The following HPGDS variants were observed in gnomAD, a reference collection of about 807,000 sequenced individuals.
HPGDS encodes hematopoietic prostaglandin D synthase, also known as GST class-sigma.
Under a neutral mutation model 23.1 loss-of-function variants are expected in HPGDS, and 26 were observed. That is an observed-to-expected ratio of 1.13 (90% CI 0.83 to 1.56). The LOEUF is 1.56. HPGDS is among the 40% of genes most tolerant of loss of function. The pLI, the probability that HPGDS is intolerant of heterozygous loss-of-function variation, is 0.00. For missense variants in HPGDS, 268 were observed against 236.4 expected (o/e 1.13, Z -0.88); for synonymous variants, 95 against 77.9 (o/e 1.22, Z -1.16).
intron 2 of HPGDS, among the ~76,000 whole-genome samples, chr4:94,322,880 G>T (rs976166303): frequency 2.6e-5 from 4 of 152,122 alleles, no homozygotes; most frequent in African/African-American, 7.2e-5. Flanking sequence ...GATCTTTTCT[G>T]CTTTCTCTTG....
chr4:94,309,612 C>A (rs1018582975), intron 3 of HPGDS, among the ~76,000 whole-genome samples: 1 of 151,992 alleles, frequency 6.6e-6, no homozygotes, highest in Non-Finnish European at 1.5e-5. Context: ...GTCTTTATAG[C>A]AGCATGATTT....
At chr4:94,302,888 A>G (rs932121401) in intron 4 of HPGDS, among the ~76,000 whole-genome samples, 3 of 151,996 alleles carry the variant, frequency 2.0e-5, no homozygotes, top group African/African-American at 7.2e-5. Flanking sequence ...TAAAACATCC[A>G]TTTTTTTAAT....
At chr4:94,310,814 A>T (rs1414941442) in intron 3 of HPGDS, among the ~76,000 whole-genome samples, 5 of 152,048 alleles carry the variant, frequency 3.3e-5, no homozygotes, top group African/African-American at 4.8e-5. Flanking sequence ...TATTTTGTTG[A>T]GCAGTGTTTT....
chr4:94,325,114 G>C (rs1756603105), intron 2 of HPGDS, among the ~76,000 whole-genome samples: 2 of 152,202 alleles, frequency 1.3e-5, no homozygotes. Context: ...AAATATTGCA[G>C]AACAGCAAAT....
At chr4:94,337,822 T>C (rs1008336017) in intron 1 of HPGDS, among the ~76,000 whole-genome samples, 23 of 152,330 alleles carry the variant, frequency 1.5e-4, no homozygotes, top group African/African-American at 5.3e-4. Context: ...ATTTTCAAAA[T>C]CATGCTATTT....
intron 3 of HPGDS, among the ~76,000 whole-genome samples, chr4:94,315,247 A>G (rs1291671034): frequency 1.3e-5 from 2 of 152,188 alleles, no homozygotes; most frequent in African/African-American, 4.8e-5. Flanking sequence ...TTCGAGCTGT[A>G]GACTGGAGCT....
At chr4:94,337,046 C>T (rs937438970) in intron 1 of HPGDS, among the ~76,000 whole-genome samples, 5 of 152,150 alleles carry the variant, frequency 3.3e-5, no homozygotes, top group Non-Finnish European at 5.9e-5. Context: ...CTCACTGCAA[C>T]CTCCGCCTCC....
intron 2 of HPGDS, among the ~76,000 whole-genome samples, chr4:94,333,320 G>A (rs1579448050): frequency 6.6e-6 from 1 of 152,176 alleles, no homozygotes; most frequent in African/African-American, 2.4e-5. Flanking sequence ...GTAGTAATAT[G>A]TGACCGTTGG....
At chr4:94,314,736 G>A (rs1560588023) in intron 3 of HPGDS, among the ~76,000 whole-genome samples, 1 of 152,204 alleles carries the variant, frequency 6.6e-6, no homozygotes, top group Admixed American at 6.5e-5. Flanking sequence ...TGCCCCCAGA[G>A]GTGGAGTCTA....
intron 5 of HPGDS, among the ~76,000 whole-genome samples, chr4:94,300,457 C>G (rs1004102748): frequency 2.0e-5 from 3 of 152,032 alleles, no homozygotes; most frequent in African/African-American, 4.8e-5. Context: ...TAAATGTGGC[C>G]CACTCTTTTT....
chr4:94,308,408 A>T (rs1450920951), intron 4 of HPGDS, among the ~76,000 whole-genome samples: 1 of 152,164 alleles, frequency 6.6e-6, no homozygotes, highest in Non-Finnish European at 1.5e-5. Flanking sequence ...GTAAATCCTA[A>T]AGAAACTGCT....
intron 2 of HPGDS, among the ~76,000 whole-genome samples, chr4:94,328,051 C>T (rs1756671386): frequency 6.6e-6 from 1 of 152,198 alleles, no homozygotes; most frequent in Non-Finnish European, 1.5e-5. Flanking sequence ...TCTCAGGGCC[C>T]ATAAGGCCCA....
At chr4:94,316,709 A>C (rs932513327) in intron 3 of HPGDS, among the ~76,000 whole-genome samples, 2 of 152,212 alleles carry the variant, frequency 1.3e-5, no homozygotes, top group Non-Finnish European at 2.9e-5. Context: ...TAGCCCAGAG[A>C]TTCTCAAAGT....
intron 4 of HPGDS, among the ~76,000 whole-genome samples, chr4:94,303,024 C>A (rs1280493144): frequency 6.6e-6 from 1 of 151,628 alleles, no homozygotes; most frequent in Non-Finnish European, 1.5e-5. Context: ...GAAATAGAAG[C>A]CAAACTCAAA....
intron 1 of HPGDS, among the ~76,000 whole-genome samples, chr4:94,340,311 C>CTTTTCTTTTTT (rs1721126934): frequency 1.7e-4 from 4 of 23,680 alleles, no homozygotes; most frequent in Admixed American, 6.1e-4. Flanking sequence ...CTTTCTTTCT[C>CTTTTCTTTTTT]TTTTTTTTTT....
intron 2 of HPGDS, among the ~76,000 whole-genome samples, chr4:94,322,881 C>A (rs953913102): frequency 3.3e-5 from 5 of 152,180 alleles, no homozygotes; most frequent in Non-Finnish European, 7.3e-5. Flanking sequence ...ATCTTTTCTG[C>A]TTTCTCTTGT....
chr4:94,321,777 C>T (rs1473062502), intron 2 of HPGDS, among the ~76,000 whole-genome samples: 2 of 152,200 alleles, frequency 1.3e-5, no homozygotes, highest in African/African-American at 4.8e-5. Context: ...CCTGATTGCT[C>T]TTGTCAGAAC....
At chr4:94,340,484 A>G (rs1390328503) in intron 1 of HPGDS, among the ~76,000 whole-genome samples, 2 of 142,274 alleles carry the variant, frequency 1.4e-5, no homozygotes, top group African/African-American at 5.2e-5. Context: ...GACTACAGGC[A>G]CGCGCCACCA....
intron 3 of HPGDS, among the ~76,000 whole-genome samples, chr4:94,311,793 T>A (rs1756278587): frequency 6.6e-6 from 1 of 151,420 alleles, no homozygotes; most frequent in Non-Finnish European, 1.5e-5. Context: ...TGGTAAGCTA[T>A]AAATTATTGC....
Sources: gnomAD v4.1 joint callset for allele counts (sites outside exome capture counted in the v4.1 genomes callset) on GRCh38, gnomAD v4.1.1 for gene constraint, MANE v1.5 for transcripts, NCBI Gene and HGNC (gene_info 2026-07-23, HGNC 2026-07-21) for gene names.